The following HS1BP3 variants were observed in gnomAD, a reference collection of about 807,000 sequenced individuals.
HS1BP3 encodes the protein HCLS1-binding protein 3.
In HS1BP3, 32 loss-of-function variants were observed where a neutral mutation model predicts 33.5. The ratio of observed to expected loss-of-function variants is 0.95; its 90% CI spans 0.72 to 1.28. HS1BP3 has a LOEUF of 1.28. Among genes scored for constraint, HS1BP3 ranks in the 50% most tolerant of loss-of-function variants. The probability of loss-of-function intolerance (pLI) is 0.00; values close to 1 mark genes in which losing one functional copy is unlikely to be tolerated. For synonymous variants in HS1BP3, 187 were observed against 209.2 expected, an observed-to-expected ratio of 0.89 and a Z score of 0.92; for missense variants, 486 against 502.3, an observed-to-expected ratio of 0.97 and a Z score of 0.31.
chr2:20,579,699 A>G (rs1295298268), intron 5 of HS1BP3, among the ~76,000 whole-genome samples: 1 of 152,182 alleles, frequency 6.6e-6, no homozygotes, highest in African/African-American at 2.4e-5. Context: ...TCACCTACCC[A>G]CAAGTCCCAC....
intron 6 of HS1BP3, among the ~76,000 whole-genome samples, chr2:20,621,805 G>C (rs1694610035): frequency 6.6e-6 from 1 of 152,230 alleles, no homozygotes; most frequent in Non-Finnish European, 1.5e-5. Flanking sequence ...GCCACGGTGG[G>C]AGGCAGCATA....
chr2:20,561,854 T>C (rs912424432), intron 5 of HS1BP3, among the ~76,000 whole-genome samples: 3 of 152,108 alleles, frequency 2.0e-5, no homozygotes, highest in Non-Finnish European at 4.4e-5. Flanking sequence ...AGCTTCAGGA[T>C]GAGGGCTGAT....
chr2:20,575,766 C>T (rs868866569), intron 5 of HS1BP3, among the ~76,000 whole-genome samples: 1 of 140,962 alleles, frequency 7.1e-6, no homozygotes. Flanking sequence ...TTCCACCCCC[C>T]CCCCCCCCTT....
intron 4 of HS1BP3, chr2:20,635,938 C>G (rs1463907531): frequency 3.9e-5 from 6 of 152,192 alleles, no homozygotes; most frequent in African/African-American, 1.4e-4. Flanking sequence ...CTGGCGACTC[C>G]CACCCTCCCA....
chr2:20,626,038 G>A (rs1694769646), intron 4 of HS1BP3, among the ~76,000 whole-genome samples: 1 of 152,204 alleles, frequency 6.6e-6, no homozygotes, highest in African/African-American at 2.4e-5. Context: ...CTGGCGGGCA[G>A]TTCCACTGGA....
At chr2:20,638,856 A>G (rs1312909962) in intron 3 of HS1BP3, among the ~76,000 whole-genome samples, 1 of 152,170 alleles carries the variant, frequency 6.6e-6, no homozygotes, top group Non-Finnish European at 1.5e-5. Context: ...GGGGCAGCCA[A>G]GTGCCTGCTG....
chr2:20,623,896 C>T lies in HS1BP3; in HGVS notation c.920G>A (p.Arg307Lys), dbSNP rs753674827. The change falls in exon 6 of 7, where the codon AGA (arginine) becomes AAA (lysine). Residue 307 changes from arginine (R) to lysine (K), a missense_variant and splice_region_variant. Coordinates refer to ENST00000304031, the MANE Select transcript of HS1BP3 (RefSeq NM_022460.4). ...SHRDASKELF[R>K]VEEDLDQILN... ...AAGCGCCGCTGGGGACAGGTGGTAC[C>T]TGAACAGTTCCTTGGAGGCGTCCCT... 3.7e-6 allele frequency: 6 copies of T among 1,611,650 alleles called. No homozygotes were observed. In the Admixed American group the frequency reaches 1.0e-4, roughly 27 times the overall value.
intron 2 of HS1BP3, among the ~76,000 whole-genome samples, chr2:20,643,154 C>T (rs529995641): frequency 2.6e-5 from 4 of 152,224 alleles, no homozygotes; most frequent in South Asian, 2.1e-4. Context: ...TCTTTGCCCT[C>T]GCAAGTACTT....
At chr2:20,641,628 G>A (rs940029524) in intron 2 of HS1BP3, among the ~76,000 whole-genome samples, 18 of 152,162 alleles carry the variant, frequency 1.2e-4, no homozygotes, top group Non-Finnish European at 7.3e-5. Context: ...GCCTTCGGCG[G>A]GCCAGCCAAT....
intron 5 of HS1BP3, among the ~76,000 whole-genome samples, chr2:20,583,359 TTGGTTCTCACTATGGGG>T (rs1693581333): frequency 7.3e-6 from 1 of 136,132 alleles, no homozygotes; most frequent in African/African-American, 3.5e-5. Context: ...AGGGGCGCAG[TTGGTTCTCACTATGGGG>T]GCAGCTTACT....
downstream of HS1BP3, among the ~76,000 whole-genome samples, chr2:20,613,767 G>C (rs1694361176): frequency 6.6e-6 from 1 of 152,202 alleles, no homozygotes; most frequent in African/African-American, 2.4e-5. Context: ...AAACCGACAT[G>C]GCACTGCTGA....
At chr2:20,572,947 T>A (rs1053348648) in intron 5 of HS1BP3, among the ~76,000 whole-genome samples, 1 of 152,114 alleles carries the variant, frequency 6.6e-6, no homozygotes, top group African/African-American at 2.4e-5. Flanking sequence ...CACTCTGTGG[T>A]CCCCAGGGCC....
downstream of HS1BP3, among the ~76,000 whole-genome samples, chr2:20,588,787 G>A (rs1693742226): frequency 6.6e-6 from 1 of 152,212 alleles, no homozygotes; most frequent in Non-Finnish European, 1.5e-5. Context: ...GCCATGTGAG[G>A]CGAAGGCACA....
At chr2:20,564,320 G>A (rs535672298) in intron 5 of HS1BP3, among the ~76,000 whole-genome samples, 15 of 152,356 alleles carry the variant, frequency 9.8e-5, no homozygotes, top group African/African-American at 2.2e-4. Flanking sequence ...ACTCCATCAC[G>A]TGGAGCAGAA....
chr2:20,641,249 C>A, intron 2 of HS1BP3, 69 bp from the exon 3 acceptor site: 1 of 1,404,910 alleles, frequency 7.1e-7, no homozygotes, highest in Admixed American at 1.7e-5. Context: ...TCACCCCGAC[C>A]AGGGGTTCCC....
At chr2:20,580,906 T>G (rs564802000) in intron 5 of HS1BP3, among the ~76,000 whole-genome samples, 2 of 152,250 alleles carry the variant, frequency 1.3e-5, no homozygotes, top group Admixed American at 6.5e-5. Flanking sequence ...AAGAGTCCCA[T>G]GCCTGCTGAA....
chr2:20,620,992 G>C (rs1694580859), intron 6 of HS1BP3, among the ~76,000 whole-genome samples: 1 of 152,244 alleles, frequency 6.6e-6, no homozygotes. Flanking sequence ...CTGGGAAGGT[G>C]GGTCTTTTCA....
At chr2:20,630,035 T>A (rs1283637142) in intron 4 of HS1BP3, among the ~76,000 whole-genome samples, 1 of 152,242 alleles carries the variant, frequency 6.6e-6, no homozygotes, top group Non-Finnish European at 1.5e-5. Context: ...CGGGTGTACA[T>A]GCATGGCAGA....
chr2:20,628,255 G>A (rs994057463), intron 4 of HS1BP3, among the ~76,000 whole-genome samples: 22 of 152,158 alleles, frequency 1.4e-4, no homozygotes, highest in South Asian at 8.3e-4. Flanking sequence ...ACGAGCCGCC[G>A]CTGTCCCCAG....
Sources: gnomAD v4.1 joint callset for allele counts (sites outside exome capture counted in the v4.1 genomes callset) on GRCh38, gnomAD v4.1.1 for gene constraint, MANE v1.5 for transcripts, NCBI Gene and HGNC (gene_info 2026-07-23, HGNC 2026-07-21) for gene names.